RAP1GAP2: variants seen among roughly 807,000 people sequenced by gnomAD.
RAP1GAP2 encodes RAP1 GTPase activating protein 2, also known as rap1 GTPase-activating protein 2.
In RAP1GAP2, 27 loss-of-function variants were observed where a neutral mutation model predicts 95.0. The ratio of observed to expected loss-of-function variants is 0.28; its 90% confidence interval spans 0.21 to 0.39. The LOEUF is 0.39. Ranked by LOEUF, RAP1GAP2 falls within the 10% of genes least tolerant of loss-of-function variation. RAP1GAP2 has a pLI of 1.00. For synonymous variants in RAP1GAP2, 373 were observed against 380.9 expected (o/e 0.98, Z 0.24); for missense variants, 771 against 970.0 (o/e 0.79, Z 2.72).
At chr17:2,907,558 A>T (rs1324098803) in intron 3 of RAP1GAP2, among the ~76,000 whole-genome samples, 1 of 152,062 alleles carries the variant, frequency 6.6e-6, no homozygotes, top group Non-Finnish European at 1.5e-5. Context: ...ACGTAAGGTT[A>T]GGAGGTGGGG....
intron 1 of RAP1GAP2, among the ~76,000 whole-genome samples, chr17:2,756,394 GT>G (rs2071145920): frequency 6.6e-6 from 1 of 152,226 alleles, no homozygotes; most frequent in Admixed American, 6.5e-5. Context: ...AGCCTGCGGT[GT>G]CAGGTTACCG....
intron 3 of RAP1GAP2, among the ~76,000 whole-genome samples, chr17:2,927,843 G>C (rs895483899): frequency 2.0e-5 from 3 of 152,196 alleles, no homozygotes; most frequent in Non-Finnish European, 4.4e-5. Flanking sequence ...GTAGTTCTGG[G>C]ACTAATTCTT....
intron 1 of RAP1GAP2, among the ~76,000 whole-genome samples, chr17:2,761,254 C>A (rs142997061): frequency 6.8e-6 from 1 of 146,414 alleles, no homozygotes; most frequent in Non-Finnish European, 1.5e-5. Context: ...TGAGCCTGGC[C>A]GGTGGGGTGC....
chr17:3,021,411 G>A (rs779448540), intron 19 of RAP1GAP2, among the ~76,000 whole-genome samples: 1 of 141,066 alleles, frequency 7.1e-6, no homozygotes, highest in Non-Finnish European at 1.5e-5. Flanking sequence ...ACATATGAAT[G>A]AGAACATGCG....
Position 3,029,470 on chromosome 17 carries a change from A to T in RAP1GAP2, c.2108-1452A>T, listed in dbSNP as rs2047224788. ...TTGGGGGGATCTGGGAACCGGTTTC[A>T]TGCTGTTTGGCTGAGTCTGGGGAGA... On this transcript the variant is annotated intron_variant, in intron 22 of 24. Coordinates refer to ENST00000254695, the MANE Select transcript of RAP1GAP2 (RefSeq NM_015085.5). The surrounding 1 kb of genome is among the most constrained non-coding windows in gnomAD (Gnocchi z 4.4). Among the ~76,000 whole-genome samples, 1 of 152,178 alleles carries T rather than the reference A, an allele frequency of 6.6e-6. No individual in the cohort carries two copies. Among genetic ancestry groups the T allele is most frequent in the Admixed American group, 6.5e-5 (1 of 15,272 alleles).
chr17:2,913,552 G>T (rs2042463440), intron 3 of RAP1GAP2, among the ~76,000 whole-genome samples: 1 of 152,102 alleles, frequency 6.6e-6, no homozygotes, highest in Non-Finnish European at 1.5e-5. Context: ...GCCTCCCAAA[G>T]TACTGGGATT....
At chr17:2,863,150 G>C (rs1400650988) in intron 2 of RAP1GAP2, among the ~76,000 whole-genome samples, 2 of 152,066 alleles carry the variant, frequency 1.3e-5, no homozygotes, top group South Asian at 4.1e-4. Context: ...CTGAGTGCGG[G>C]GGTCCTGGTT....
chr17:2,811,827 C>T (rs1385564204), intron 2 of RAP1GAP2, among the ~76,000 whole-genome samples: 1 of 152,114 alleles, frequency 6.6e-6, no homozygotes, highest in Admixed American at 6.6e-5. Flanking sequence ...GATCCGCCCA[C>T]CTCTGCTTCC....
At chr17:2,942,045 G>A (rs114899340) in intron 3 of RAP1GAP2, among the ~76,000 whole-genome samples, 2,623 of 152,150 alleles carry the variant, frequency 0.017, 72 homozygotes, top group African/African-American at 0.059. Flanking sequence ...ATGAATGAGA[G>A]TTCCTGTTTT....
intron 7 of RAP1GAP2, chr17:2,964,346 G>T (rs1254234278): frequency 2.6e-5 from 3 of 116,050 alleles, no homozygotes; most frequent in African/African-American, 6.5e-5. Flanking sequence ...TGGCGGGGGT[G>T]GGGGGAGGGG....
At chr17:3,020,433 G>T in intron 18 of RAP1GAP2, 44 bp from the exon 19 acceptor site, 1 of 1,489,742 alleles carries the variant, frequency 6.7e-7, no homozygotes. Context: ...ATAGGAGATC[G>T]GTGTTTGGGC....
At chr17:2,986,226 A>G (rs574796799) in intron 11 of RAP1GAP2, among the ~76,000 whole-genome samples, 2 of 152,348 alleles carry the variant, frequency 1.3e-5, no homozygotes, top group South Asian at 4.1e-4. Context: ...GCTTAAAAAT[A>G]TTCTAATTAT....
At chr17:3,032,542 C>T (rs567647450) in intron 24 of RAP1GAP2, 93 bp downstream of exon 24, 368 of 1,247,844 alleles carry the variant, frequency 2.9e-4, no homozygotes, top group Non-Finnish European at 4.1e-4. Context: ...TCAGAATGGC[C>T]GGAGAGATGC....
intron 3 of RAP1GAP2, among the ~76,000 whole-genome samples, chr17:2,920,521 C>T (rs28753403): frequency 0.095 from 14,440 of 152,236 alleles, 1,037 homozygotes; most frequent in East Asian, 0.31. Context: ...GGACAGAGCC[C>T]TTGCCTCTTC....
chr17:2,872,083 G>A (rs2072869223), intron 2 of RAP1GAP2, among the ~76,000 whole-genome samples: 2 of 151,960 alleles, frequency 1.3e-5, no homozygotes, highest in African/African-American at 4.8e-5. Flanking sequence ...GTGTGGTGAT[G>A]CACGCCTGTA....
At chr17:2,792,135 C>T (rs535833606), upstream of RAP1GAP2, among the ~76,000 whole-genome samples, 7 of 152,262 alleles carry the variant, frequency 4.6e-5, no homozygotes, top group African/African-American at 1.7e-4. Context: ...GCTGGGATTA[C>T]AGGCGTGAGA....
At chr17:2,958,466 G>A (rs1775055096) in intron 4 of RAP1GAP2, among the ~76,000 whole-genome samples, 1 of 152,050 alleles carries the variant, frequency 6.6e-6, no homozygotes, top group South Asian at 2.1e-4. Flanking sequence ...ACGTGGGCGG[G>A]AAGACTGGGA....
chr17:2,879,603 G>A (rs2073216071), intron 2 of RAP1GAP2, among the ~76,000 whole-genome samples: 1 of 151,844 alleles, frequency 6.6e-6, no homozygotes, highest in South Asian at 2.1e-4. Context: ...GTCGGCGCCT[G>A]TAATCCCAGC....
chr17:2,927,881 G>A (rs2043020048), intron 3 of RAP1GAP2, among the ~76,000 whole-genome samples: 1 of 152,188 alleles, frequency 6.6e-6, no homozygotes, highest in Non-Finnish European at 1.5e-5. Context: ...TGCTTTGCGA[G>A]CCCGTGACTG....
Sources: allele counts gnomAD v4.1 joint callset (sites outside exome capture counted in the v4.1 genomes callset), GRCh38; gene constraint gnomAD v4.1.1; non-coding constraint Gnocchi (gnomAD v3.1); transcripts MANE v1.5; gene names NCBI Gene and HGNC (gene_info 2026-07-23, HGNC 2026-07-21).